The following CCDC102A variants were observed in gnomAD, a reference collection of about 807,000 sequenced individuals.
CCDC102A encodes coiled-coil domain-containing protein 102A.
In CCDC102A, 40 loss-of-function variants were observed where a neutral mutation model predicts 55.5. That is an observed-to-expected ratio of 0.72 (90% CI 0.56 to 0.94). CCDC102A has a LOEUF of 0.94. Ranked by LOEUF, CCDC102A falls within the 40% of genes least tolerant of loss-of-function variation. The pLI is 0.00. For synonymous variants in CCDC102A, 323 were observed against 339.0 expected (o/e 0.95, Z 0.52); for missense variants, 779 against 768.6 (o/e 1.01, Z -0.16).
intron 1 of CCDC102A, among the ~76,000 whole-genome samples, chr16:57,534,512 C>T (rs571470131): frequency 6.6e-6 from 1 of 152,280 alleles, no homozygotes; most frequent in South Asian, 2.1e-4. Context: ...CCAGTGTCCC[C>T]TCCCCTAGGA....
chr16:57,534,931 A>G (rs549905792), intron 1 of CCDC102A, among the ~76,000 whole-genome samples: 84 of 152,304 alleles, frequency 5.5e-4, no homozygotes, highest in Non-Finnish European at 9.3e-4. Context: ...GGGTCTCTCC[A>G]TATCAGTGAG....
At chr16:57,532,421 C>T (rs1464908206) in intron 1 of CCDC102A, among the ~76,000 whole-genome samples, 1 of 152,176 alleles carries the variant, frequency 6.6e-6, no homozygotes, top group Non-Finnish European at 1.5e-5. Flanking sequence ...CTCTGTGACC[C>T]AGTCTCTCCG....
intron 8 of CCDC102A, among the ~76,000 whole-genome samples, chr16:57,513,573 G>A (rs1285174817): frequency 6.6e-6 from 1 of 152,268 alleles, no homozygotes; most frequent in Non-Finnish European, 1.5e-5. Flanking sequence ...CAGCGGTCCT[G>A]GGTGGCCCCA....
chr16:57,536,929 A>G (rs1294855291), upstream of CCDC102A, among the ~76,000 whole-genome samples: 3 of 152,128 alleles, frequency 2.0e-5, no homozygotes, highest in African/African-American at 4.8e-5. Flanking sequence ...CGGCACGTGG[A>G]GCGAGCTTAC....
chr16:57,517,081 C>G (rs1294384258), intron 6 of CCDC102A, among the ~76,000 whole-genome samples: 1 of 152,230 alleles, frequency 6.6e-6, no homozygotes, highest in South Asian at 2.1e-4. Flanking sequence ...CAGCTTCCCC[C>G]CAGCCTGTCT....
intron 1 of CCDC102A, among the ~76,000 whole-genome samples, chr16:57,531,141 T>C (rs540666154): frequency 6.6e-6 from 1 of 151,984 alleles, no homozygotes; most frequent in Non-Finnish European, 1.5e-5. Flanking sequence ...CCAGCCCAGG[T>C]TGCCCTCAGA....
intron 1 of CCDC102A, among the ~76,000 whole-genome samples, chr16:57,531,086 C>T (rs1205028992): frequency 1.3e-5 from 2 of 152,184 alleles, no homozygotes; most frequent in African/African-American, 4.8e-5. Flanking sequence ...CTCACGATAT[C>T]CCTGCCCGAG....
intron 3 of CCDC102A, among the ~76,000 whole-genome samples, chr16:57,521,401 G>A (rs2032049632): frequency 1.3e-5 from 2 of 152,168 alleles, no homozygotes; most frequent in Admixed American, 1.3e-4. Context: ...CTCACATTGT[G>A]GGGAGGTGGT....
intron 1 of CCDC102A, among the ~76,000 whole-genome samples, chr16:57,533,723 C>T (rs749490920): frequency 7.2e-5 from 11 of 152,088 alleles, no homozygotes; most frequent in Non-Finnish European, 1.5e-4. Flanking sequence ...CCCGGTAATG[C>T]ACAGACTCAC....
At chr16:57,535,661 C>G (rs1447248632) in intron 1 of CCDC102A, among the ~76,000 whole-genome samples, 1 of 151,388 alleles carries the variant, frequency 6.6e-6, no homozygotes, top group Non-Finnish European at 1.5e-5. Context: ...TCGGCAACAC[C>G]GTGAACTCTT....
intron 8 of CCDC102A, among the ~76,000 whole-genome samples, chr16:57,514,055 C>T (rs1395601374): frequency 6.6e-6 from 1 of 152,192 alleles, no homozygotes; most frequent in Non-Finnish European, 1.5e-5. Flanking sequence ...GAAAAAACAT[C>T]TTTCCTTTCT....
chr16:57,535,978 T>G (rs1183969129), intron 1 of CCDC102A, among the ~76,000 whole-genome samples: 1 of 152,146 alleles, frequency 6.6e-6, no homozygotes, highest in Non-Finnish European at 1.5e-5. Context: ...CCCAAGCCGC[T>G]GGCCCTGCGA....
At chr16:57,533,544 A>C (rs1393218427) in intron 1 of CCDC102A, among the ~76,000 whole-genome samples, 5 of 150,040 alleles carry the variant, frequency 3.3e-5, no homozygotes, top group Non-Finnish European at 5.9e-5. Context: ...ACTCACACAC[A>C]CACCCCCAGG....
intron 5 of CCDC102A, 47 bp from the exon 6 acceptor site, chr16:57,518,324 G>A: frequency 1.3e-6 from 2 of 1,565,178 alleles, no homozygotes; most frequent in South Asian, 2.2e-5. Context: ...GAGGGGGCAT[G>A]CAGGGCCTGA....
In CCDC102A at chr16:57,520,501, C is replaced by A. The variant is rs540287589; in HGVS notation, c.921+567G>T. Among the ~76,000 whole-genome samples, 4 of 150,208 alleles carry A rather than the reference C, an allele frequency of 2.7e-5. No homozygotes were observed. The South Asian group carries it at 6.4e-4, about 24-fold the overall frequency. On this transcript the variant is annotated intron_variant, in intron 4 of 8. Transcript: ENST00000258214. The stretch of plus-strand genomic sequence containing the variant: ...CAAAGTGAGCTCCTGAAGGCAGGGA[C>A]CTTGCCTGCCCAGCACTCAGAACAA...
chr16:57,529,029 C>G lies in CCDC102A; in HGVS notation c.149G>C (p.Gly50Ala). The G allele has an allele frequency of 9.0e-7, 1 of 1,105,806 alleles. No individual in the cohort carries two copies. The highest frequency in any genetic ancestry group is 4.3e-5 in the South Asian group (1 of 23,356). The allele number at this position is 1,105,806 out of a possible 1,614,324, so 68.5% of individuals were successfully genotyped here. ...GGGCAGGGGCAGTGCGGGCGGCGGC[C>G]CGGGCGAGGGCGTGCCGCTGGGCGG... ...PTPPSGTPSP[G>A]PPPALPLPPA... Residue 50 changes from glycine (G) to alanine (A), a missense_variant, in exon 2 of 9, where the codon GGG becomes GCG. Coordinates refer to ENST00000258214, the MANE Select transcript of CCDC102A (RefSeq NM_033212.4). The surrounding 1 kb of genome is among the most constrained non-coding windows in gnomAD (Gnocchi z 4.1).
chr16:57,528,934 C>T lies in CCDC102A; in HGVS notation c.244G>A (p.Glu82Lys). The T allele has an allele frequency of 3.6e-6, 5 of 1,395,248 alleles. No homozygotes were observed. The highest frequency in any genetic ancestry group is 4.7e-6 in the Non-Finnish European group (5 of 1,063,660). The allele number at this position is 1,395,248 out of a possible 1,614,324, so 86.4% of individuals were successfully genotyped here. A position where few individuals can be genotyped will look rare whatever the true frequency, so the allele number is the denominator to read the frequency against. The change falls in exon 2 of 9, where the codon GAG (glutamate) becomes AAG (lysine). Residue 82 changes from glutamate (E) to lysine (K), a missense_variant. Glu to Lys is a moderately conservative substitution (Grantham distance 56). Coordinates refer to ENST00000258214, the MANE Select transcript of CCDC102A (RefSeq NM_033212.4). Reference protein sequence around the residue: ...REELRLRELEEARARAAQMEK... With the variant: ...REELRLRELEKARARAAQMEK... ...ATCTGCGCCGCCCGCGCCCGCGCCT[C>T]CTCCAGCTCCCGCAGCCGCAGCTCC...
In CCDC102A at chr16:57,512,808, G is replaced by A; in HGVS notation, c.1586C>T (p.Thr529Ile). The A allele has an allele frequency of 6.2e-7, 1 of 1,614,100 alleles. No individual in the cohort carries two copies. The highest frequency in any genetic ancestry group is 8.5e-7 in the Non-Finnish European group (1 of 1,179,972). The part of the protein sequence containing the change: ...FGKIRSARFG[T>I]EEAEDGTSDL... ...ACTGGTTCCATCCTCGGCCTCCTCG[G>A]TGCCAAAGCGAGCACTGCGGATCTT... Residue 529 changes from threonine to isoleucine, a missense_variant, in exon 9 of 9, where the codon ACC (threonine) becomes ATC (isoleucine). By Grantham distance (89) the Thr-to-Ile change is moderately conservative. Transcript: ENST00000258214.
intron 1 of CCDC102A, among the ~76,000 whole-genome samples, chr16:57,535,679 G>C (rs545699397): frequency 3.5e-4 from 46 of 131,702 alleles, no homozygotes; most frequent in African/African-American, 1.3e-3. Context: ...CTTCACTCTT[G>C]TACAGCAGAC....
Sources: allele counts gnomAD v4.1 joint callset (sites outside exome capture counted in the v4.1 genomes callset), GRCh38; gene constraint gnomAD v4.1.1; non-coding constraint Gnocchi (gnomAD v3.1); transcripts MANE v1.5; gene names NCBI Gene and HGNC (gene_info 2026-07-23, HGNC 2026-07-21).